Variants in OPHN1 observed in about 807,000 individuals in gnomAD.
The protein encoded by OPHN1 is oligophrenin-1.
In OPHN1, 11 loss-of-function variants were observed where a neutral mutation model predicts 60.7. That is an observed-to-expected ratio of 0.18 (90% CI 0.11 to 0.30). OPHN1 has a LOEUF of 0.30. Ranked by LOEUF, OPHN1 falls within the 10% of genes least tolerant of loss-of-function variation. The pLI is 1.00. For synonymous variants in OPHN1, 226 were observed against 222.6 expected (o/e 1.02, Z -0.14); for missense variants, 449 against 611.0 (o/e 0.73, Z 2.80).
intron 21 of OPHN1, among the ~76,000 whole-genome samples, chrX:68,057,876 C>T (rs763395196): frequency 5.4e-5 from 6 of 111,749 alleles, no homozygotes; most frequent in East Asian, 2.8e-4. Context: ...TGACCTTCAG[C>T]GGATCATTTC....
Position 68,153,840 on chromosome X carries a change from G to A in OPHN1, c.1277-34508C>T, listed in dbSNP as rs1224080941. Among the ~76,000 whole-genome samples the A allele has an allele frequency of 4.5e-5, 5 of 111,730 alleles. No homozygotes were observed. In the Admixed American group the frequency reaches 4.8e-4, roughly 11 times the overall value. ...TAGTAAATTTATGAACCTGAGACAGGTCTTGGGGATTTATGATATAGTGGT... is the reference window on the plus strand; with the variant it reads ...TAGTAAATTTATGAACCTGAGACAGATCTTGGGGATTTATGATATAGTGGT... On this transcript the variant is annotated intron_variant, in intron 15 of 24. Coordinates refer to ENST00000355520, the MANE Select transcript of OPHN1 (RefSeq NM_002547.3).
chrX:68,430,660 C>CA (rs1227096176), intron 2 of OPHN1, among the ~76,000 whole-genome samples: 3 of 109,731 alleles, frequency 2.7e-5, no homozygotes, highest in Non-Finnish European at 3.8e-5. Context: ...CCATCTCTAC[C>CA]AAAAAATACA....
intron 18 of OPHN1, among the ~76,000 whole-genome samples, chrX:68,103,185 A>G (rs897112892): frequency 1.8e-5 from 2 of 111,993 alleles, no homozygotes; most frequent in Admixed American, 1.9e-4. Flanking sequence ...CACCACGATC[A>G]AGTTGGCTTC....
intron 15 of OPHN1, among the ~76,000 whole-genome samples, chrX:68,180,289 AG>A (rs2077430929): frequency 8.9e-6 from 1 of 111,774 alleles, no homozygotes; most frequent in Admixed American, 9.5e-5. Flanking sequence ...ATTCCTGGTG[AG>A]TAGGATTTGG....
chrX:68,322,459 A>G (rs1332687304), intron 2 of OPHN1, among the ~76,000 whole-genome samples: 3 of 112,108 alleles, frequency 2.7e-5, no homozygotes, highest in Non-Finnish European at 5.6e-5. Flanking sequence ...TAAACAAGCT[A>G]TGATACATCC....
chrX:68,168,046 A>G (rs2077368282), intron 15 of OPHN1, among the ~76,000 whole-genome samples: 1 of 110,856 alleles, frequency 9.0e-6, no homozygotes, highest in African/African-American at 3.3e-5. Flanking sequence ...AATCATGGAC[A>G]TAAAGAATAG....
At chrX:68,277,998 T>C (rs1475631618) in intron 4 of OPHN1, among the ~76,000 whole-genome samples, 1 of 111,873 alleles carries the variant, frequency 8.9e-6, no homozygotes, top group Non-Finnish European at 1.9e-5. Flanking sequence ...TAAGCAAGTG[T>C]GTCAGCAACT....
intron 6 of OPHN1, among the ~76,000 whole-genome samples, chrX:68,222,208 G>A (rs2077663541): frequency 9.2e-6 from 1 of 108,905 alleles, no homozygotes; most frequent in Non-Finnish European, 1.9e-5. Flanking sequence ...TCAGAGAAAT[G>A]CAAATCAAAA....
intron 19 of OPHN1, among the ~76,000 whole-genome samples, chrX:68,083,091 A>T (rs2076980965): frequency 2.0e-5 from 1 of 50,017 alleles, no homozygotes; most frequent in Non-Finnish European, 3.2e-5. Flanking sequence ...TTTGAGACGG[A>T]GTCTCGCTCT....
intron 19 of OPHN1, among the ~76,000 whole-genome samples, chrX:68,091,539 T>C (rs778904358): frequency 6.3e-5 from 7 of 111,347 alleles, no homozygotes; most frequent in Admixed American, 2.9e-4. Flanking sequence ...CTGTTACCAC[T>C]ACCATGGCAT....
chrX:68,145,405 C>A (rs1311143708), intron 15 of OPHN1, among the ~76,000 whole-genome samples: 1 of 111,700 alleles, frequency 9.0e-6, no homozygotes, highest in Non-Finnish European at 1.9e-5. Context: ...AGAATGCTTG[C>A]ACGCATGAAC....
intron 5 of OPHN1, among the ~76,000 whole-genome samples, chrX:68,265,853 G>A (rs970664267): frequency 9.0e-6 from 1 of 111,656 alleles, no homozygotes; most frequent in African/African-American, 3.3e-5. Context: ...GGAGCTGAAA[G>A]TCAAGGCACA....
chrX:68,341,017 AAAG>A (rs1417371731), intron 2 of OPHN1, among the ~76,000 whole-genome samples: 14 of 109,864 alleles, frequency 1.3e-4, no homozygotes, highest in African/African-American at 3.3e-4. Context: ...AAAAAAAAAA[AAAG>A]AAGAAGAACC....
At chrX:68,085,482 G>A (rs1452801021) in intron 19 of OPHN1, among the ~76,000 whole-genome samples, 1 of 111,862 alleles carries the variant, frequency 8.9e-6, no homozygotes, top group Non-Finnish European at 1.9e-5. Flanking sequence ...CACAAAAAAG[G>A]GCCTTTGTTT....
intron 2 of OPHN1, among the ~76,000 whole-genome samples, chrX:68,405,031 A>C (rs909419654): frequency 3.6e-5 from 4 of 112,334 alleles, no homozygotes; most frequent in African/African-American, 1.3e-4. Context: ...TGAACTGTAC[A>C]TTTAAAAATG....
Position 68,154,861 on chromosome X carries a change from C to CCACACACACA in OPHN1, c.1277-35539_1277-35530dup, listed in dbSNP as rs60627495. ...AACATTAGCAGAACAATAGTACACACCACACACACACACACACACACACAC... is the reference window on the plus strand; with the variant it reads ...AACATTAGCAGAACAATAGTACACACCACACACACACACACACACACACACACACACACAC... On this transcript the variant is annotated intron_variant, in intron 15 of 24. Coordinates refer to ENST00000355520, the MANE Select transcript of OPHN1 (RefSeq NM_002547.3). Among the ~76,000 whole-genome samples, 273 of 94,336 alleles carry CCACACACACA rather than the reference C, an allele frequency of 2.9e-3. 1 individual carries two copies. The highest frequency in any genetic ancestry group is 8.0e-3 in the African/African-American group (211 of 26,392). The allele number at this position is 94,336 out of a possible 115,157, so 81.9% of individuals were successfully genotyped here.
intron 19 of OPHN1, among the ~76,000 whole-genome samples, chrX:68,082,647 G>A (rs1168965349): frequency 2.7e-5 from 3 of 112,376 alleles, no homozygotes; most frequent in Non-Finnish European, 3.8e-5. Flanking sequence ...GTAGACAGAT[G>A]TGTTGTCACT....
At chrX:68,227,807 A>C (rs2077703678) in intron 6 of OPHN1, among the ~76,000 whole-genome samples, 1 of 111,650 alleles carries the variant, frequency 9.0e-6, no homozygotes, top group Non-Finnish European at 1.9e-5. Flanking sequence ...AAAGCAGGAA[A>C]GATCTAAAAT....
At chrX:68,208,502 A>T (rs1403780516) in intron 9 of OPHN1, among the ~76,000 whole-genome samples, 1 of 111,706 alleles carries the variant, frequency 9.0e-6, no homozygotes, top group Admixed American at 9.5e-5. Flanking sequence ...TTATCACCAC[A>T]TTTCATTATA....
Sources: gnomAD v4.1 joint callset for allele counts (sites outside exome capture counted in the v4.1 genomes callset) on GRCh38, gnomAD v4.1.1 for gene constraint, MANE v1.5 for transcripts, NCBI Gene and HGNC (gene_info 2026-07-23, HGNC 2026-07-21) for gene names.